Variants in JARID2 observed in about 807,000 individuals in gnomAD.
JARID2 encodes the protein protein Jumonji.
JARID2 carries 21 observed loss-of-function variants against 125.6 expected under a neutral mutation model. That is an observed-to-expected ratio of 0.17 (90% CI 0.12 to 0.24). The LOEUF is 0.24. Among genes scored for constraint, JARID2 ranks in the 10% least tolerant of loss-of-function variants. The pLI, the probability that JARID2 is intolerant of heterozygous loss-of-function variation, is 1.00. For missense variants in JARID2, 1,303 were observed against 1,639.6 expected (o/e 0.79, Z 3.55); for synonymous variants, 736 against 661.6 (o/e 1.11, Z -1.73).
Position 15,507,198 on chromosome 6 carries a change from G to A in JARID2, c.2604G>A (p.Val868=). Residue 868 remains valine (V), a synonymous_variant, in exon 10 of 18, where the codon GTG becomes GTA. Coordinates refer to ENST00000341776, the MANE Select transcript of JARID2 (RefSeq NM_004973.4). ...ACGTGGCAGTGCACTGCGGCAAGGT[G>A]GACACCAACACTCACGGCAGTGGAT... ...DCHVAVHCGK[V]DTNTHGSGFP... 5.0e-6 allele frequency: 8 copies of A among 1,614,012 alleles called. No homozygotes were observed. Among genetic ancestry groups the A allele is most frequent in the Non-Finnish European group, 6.8e-6 (8 of 1,179,864 alleles).
At chr6:15,322,093 G>T (rs1401840279) in intron 1 of JARID2, among the ~76,000 whole-genome samples, 1 of 152,144 alleles carries the variant, frequency 6.6e-6, no homozygotes, top group East Asian at 1.9e-4. Context: ...CCTGGAAGAA[G>T]TATTAGATTT....
chr6:15,518,929 T>G (rs1771694187), intron 17 of JARID2, among the ~76,000 whole-genome samples: 1 of 152,032 alleles, frequency 6.6e-6, no homozygotes, highest in South Asian at 2.1e-4. Flanking sequence ...CTTGCTGGGG[T>G]GGGGGGTGCA....
intron 2 of JARID2, among the ~76,000 whole-genome samples, chr6:15,376,457 T>G (rs1191269411): frequency 6.6e-6 from 1 of 152,316 alleles, no homozygotes; most frequent in Non-Finnish European, 1.5e-5. Flanking sequence ...GGTTCATGCC[T>G]GTAATCCCAG....
At chr6:15,368,357 G>T (rs1001681279) in intron 1 of JARID2, among the ~76,000 whole-genome samples, 1 of 152,112 alleles carries the variant, frequency 6.6e-6, no homozygotes, top group African/African-American at 2.4e-5. Context: ...CTTGTTTCAT[G>T]GTGATGCAAT....
At chr6:15,377,725 G>T (rs1005297848) in intron 2 of JARID2, among the ~76,000 whole-genome samples, 1 of 151,896 alleles carries the variant, frequency 6.6e-6, no homozygotes, top group African/African-American at 2.4e-5. Context: ...GTAGGGATGG[G>T]GTTTCACCAT....
chr6:15,336,368 T>A (rs1762879309), intron 1 of JARID2, among the ~76,000 whole-genome samples: 1 of 152,276 alleles, frequency 6.6e-6, no homozygotes, highest in South Asian at 2.1e-4. Context: ...TAAGATTAAA[T>A]GTTTGTGGCT....
intron 1 of JARID2, among the ~76,000 whole-genome samples, chr6:15,343,029 A>G (rs757019540): frequency 7.2e-5 from 11 of 152,110 alleles, no homozygotes; most frequent in Non-Finnish European, 1.5e-4. Context: ...CAGGAGTTTG[A>G]GACCAGCCTG....
intron 1 of JARID2, among the ~76,000 whole-genome samples, chr6:15,283,674 T>G (rs1033568809): frequency 1.3e-5 from 2 of 150,406 alleles, no homozygotes; most frequent in Non-Finnish European, 3.0e-5. Context: ...TTGCAAATAT[T>G]TTCTTCTAGT....
chr6:15,504,621 C>A, intron 9 of JARID2, 29 bp downstream of exon 9: 1 of 1,475,946 alleles, frequency 6.8e-7, no homozygotes, highest in Non-Finnish European at 9.5e-7. Context: ...CACGCTGCCT[C>A]TCATGGTGTG....
chr6:15,368,718 G>A (rs989519447), intron 1 of JARID2: 4 of 498,766 alleles, frequency 8.0e-6, no homozygotes, highest in Non-Finnish European at 1.6e-5. Flanking sequence ...GGAGTCAAAG[G>A]AAGATTTCTC....
intron 4 of JARID2, among the ~76,000 whole-genome samples, chr6:15,467,230 C>T (rs906607249): frequency 6.6e-6 from 1 of 152,114 alleles, no homozygotes; most frequent in East Asian, 1.9e-4. Context: ...TATATAGTTC[C>T]GAAGCTGGAC....
At chr6:15,316,159 A>G (rs763881114) in intron 1 of JARID2, among the ~76,000 whole-genome samples, 19 of 152,092 alleles carry the variant, frequency 1.2e-4, no homozygotes, top group Non-Finnish European at 1.9e-4. Context: ...ACTCTTGCCA[A>G]GGCTGGAGTG....
chr6:15,400,609 C>T (rs1328302358), intron 2 of JARID2, among the ~76,000 whole-genome samples: 1 of 151,990 alleles, frequency 6.6e-6, no homozygotes, highest in Non-Finnish European at 1.5e-5. Context: ...GTCTGCATTG[C>T]AGGTTGGGGA....
At chr6:15,358,788 G>C (rs148227527) in intron 1 of JARID2, among the ~76,000 whole-genome samples, 7 of 152,162 alleles carry the variant, frequency 4.6e-5, no homozygotes, top group Non-Finnish European at 8.8e-5. Flanking sequence ...CTTTTAACGC[G>C]TACCAGTCTT....
intron 1 of JARID2, among the ~76,000 whole-genome samples, chr6:15,310,954 C>T (rs551292168): frequency 1.4e-3 from 211 of 152,248 alleles, no homozygotes; most frequent in African/African-American, 4.9e-3. Context: ...CGGCTGCCTG[C>T]CCAGTCCCTG....
chr6:15,442,296 G>T (rs1481855188), intron 3 of JARID2, among the ~76,000 whole-genome samples: 3 of 152,062 alleles, frequency 2.0e-5, no homozygotes, highest in Non-Finnish European at 4.4e-5. Flanking sequence ...GAATCCCATC[G>T]AGAGATAGTA....
rs917051139 is a variant in JARID2, at chr6:15,246,242, GT to G, written c.-289del. 42 of 456,390 alleles carry G rather than the reference GT, an allele frequency of 9.2e-5. No homozygotes were observed. The highest frequency in any genetic ancestry group is 1.6e-4 in the Admixed American group (4 of 24,244). 28.3% of individuals were successfully genotyped at this position (456,390 alleles called of 1,614,324 possible). A position where few individuals can be genotyped will look rare whatever the true frequency, so the allele number is the denominator to read the frequency against. On this transcript the variant is annotated 5_prime_UTR_variant, in exon 1 of 18. Transcript: ENST00000341776. ...AAAGGGGGGGGAGTGAAGGGCGTCG[GT>G]TTTTTTTTGTGTGTGTGTGTATGTG...
chr6:15,476,577 A>C (rs1327540702), intron 5 of JARID2, among the ~76,000 whole-genome samples: 2 of 152,248 alleles, frequency 1.3e-5, no homozygotes, highest in African/African-American at 4.8e-5. Flanking sequence ...CCTAATGGAA[A>C]TGGATTTATT....
chr6:15,428,460 C>T (rs1304147863), intron 3 of JARID2, among the ~76,000 whole-genome samples: 1 of 152,036 alleles, frequency 6.6e-6, no homozygotes, highest in East Asian at 1.9e-4. Context: ...GTGATGTTGC[C>T]CTTCCTGTGT....
Sources: gnomAD v4.1 joint callset for allele counts (sites outside exome capture counted in the v4.1 genomes callset) on GRCh38, gnomAD v4.1.1 for gene constraint, MANE v1.5 for transcripts, NCBI Gene and HGNC (gene_info 2026-07-23, HGNC 2026-07-21) for gene names.